PLAAT4: variants seen among roughly 807,000 people sequenced by gnomAD.
The protein encoded by PLAAT4 is phospholipase A and acyltransferase 4.
A neutral mutation model predicts 14.1 loss-of-function variants in PLAAT4; 12 were observed. The observed-to-expected ratio is 0.85, with a 90% confidence interval of 0.54 to 1.37. The LOEUF is 1.37. Among genes scored for constraint, PLAAT4 ranks in the 40% most tolerant of loss-of-function variants. The probability of loss-of-function intolerance (pLI) is 0.00; values close to 1 mark genes in which losing one functional copy is unlikely to be tolerated. For synonymous variants in PLAAT4, 77 were observed against 79.8 expected, an observed-to-expected ratio of 0.96 and a Z score of 0.19; for missense variants, 163 against 211.7, an observed-to-expected ratio of 0.77 and a Z score of 1.43.
chr11:63,544,511 T>C, intron 2 of PLAAT4, 110 bp from the exon 3 acceptor site: 1 of 1,344,206 alleles, frequency 7.4e-7, no homozygotes, highest in Non-Finnish European at 1.0e-6. Context: ...CTGTGAATCC[T>C]TCAATCACAT....
At chr11:63,537,754 G>A (rs909685274) in intron 1 of PLAAT4, among the ~76,000 whole-genome samples, 2 of 152,202 alleles carry the variant, frequency 1.3e-5, no homozygotes, top group Admixed American at 6.5e-5. Flanking sequence ...GAGGAGCTGG[G>A]AGGGAGTCCT....
chr11:63,536,938 A>G, intron 1 of PLAAT4, 61 bp downstream of exon 1: 1 of 1,589,138 alleles, frequency 6.3e-7, no homozygotes, highest in Non-Finnish European at 8.6e-7. Context: ...CCCCCTAGGA[A>G]AGGCCTCAGT....
intron 1 of PLAAT4, 46 bp from the exon 2 acceptor site, chr11:63,539,470 G>A (rs371394443): frequency 1.6e-5 from 24 of 1,517,640 alleles, no homozygotes; most frequent in Non-Finnish European, 2.2e-5. Flanking sequence ...GGTCTCTGCT[G>A]TTGCCTAGAA....
intron 1 of PLAAT4, among the ~76,000 whole-genome samples, chr11:63,539,175 A>C (rs1396255513): frequency 6.6e-6 from 1 of 152,180 alleles, no homozygotes; most frequent in Non-Finnish European, 1.5e-5. Context: ...GTGCTGGTTC[A>C]TGCAGGCTCT....
intron 2 of PLAAT4, among the ~76,000 whole-genome samples, chr11:63,542,296 A>T (rs1385580844): frequency 6.6e-6 from 1 of 152,150 alleles, no homozygotes; most frequent in African/African-American, 2.4e-5. Context: ...TAATATATTT[A>T]TATAGTTATT....
At chr11:63,546,044 G>C in intron 3 of PLAAT4, 105 bp from the exon 4 acceptor site, 3 of 893,194 alleles carry the variant, frequency 3.4e-6, no homozygotes, top group Non-Finnish European at 5.6e-6. Context: ...GGCCTTAGGG[G>C]AGGCAGGAGA....
At chr11:63,545,082 C>T in intron 3 of PLAAT4, 193 bp downstream of exon 3, 1 of 722,734 alleles carries the variant, frequency 1.4e-6, no homozygotes, top group Non-Finnish European at 2.3e-6. Context: ...TCCCTTCCCC[C>T]CAGGCCTCTC....
chr11:63,544,721 C>A lies in PLAAT4; in HGVS notation c.219C>A (p.Cys73Ter), dbSNP rs1802339. The A allele has an allele frequency of 2.5e-5, 41 of 1,614,198 alleles. No individual in the cohort carries two copies. Among genetic ancestry groups the A allele is most frequent in the Middle Eastern group, 3.3e-4 (2 of 6,062 alleles). The change falls in exon 3 of 4, where the codon TGC becomes TGA. Residue 73 changes from cysteine to a stop codon, truncating the protein, a stop_gained. Coordinates refer to ENST00000255688, the MANE Select transcript of PLAAT4 (RefSeq NM_004585.5). LOFTEE classifies it high-confidence loss of function. Reference sequence around the variant, plus strand: ...TGGAAGATGTGGTGGGAGGCTGTTGCTATCGGGTCAACAACAGCTTGGACC... The same window carrying A: ...TGGAAGATGTGGTGGGAGGCTGTTGATATCGGGTCAACAACAGCTTGGACC... The part of the protein sequence containing the change: ...ERLEDVVGGC[C>*]YRVNNSLDHE...
chr11:63,543,673 G>A (rs2017339431), intron 2 of PLAAT4, among the ~76,000 whole-genome samples: 1 of 152,174 alleles, frequency 6.6e-6, no homozygotes, highest in Non-Finnish European at 1.5e-5. Context: ...GGCAAAAGAG[G>A]TAACACACCT....
intron 3 of PLAAT4, 168 bp downstream of exon 3, chr11:63,545,057 G>T: frequency 2.1e-6 from 2 of 954,824 alleles, no homozygotes; most frequent in South Asian, 1.5e-5. Flanking sequence ...AATCCACAGA[G>T]GGTCTTTGGA....
At chr11:63,540,655 G>A (rs1223015349) in intron 2 of PLAAT4, among the ~76,000 whole-genome samples, 31 of 152,092 alleles carry the variant, frequency 2.0e-4, no homozygotes, top group Admixed American at 1.7e-3. Context: ...GTGAAACCCC[G>A]TCTCTATTAA....
intron 2 of PLAAT4, among the ~76,000 whole-genome samples, chr11:63,543,409 T>G (rs959893834): frequency 1.3e-5 from 2 of 152,256 alleles, no homozygotes; most frequent in Non-Finnish European, 2.9e-5. Flanking sequence ...CAGGTGATCC[T>G]CCCACATCAG....
rs754331566 is a variant in PLAAT4, at chr11:63,544,751, G to A, written c.249G>A (p.Glu83=). 85 of 1,614,216 alleles carry A rather than the reference G, an allele frequency of 5.3e-5. No homozygotes were observed. Among genetic ancestry groups the A allele is most frequent in the Non-Finnish European group, 6.9e-5 (82 of 1,180,042 alleles). Reference sequence around the variant, plus strand: ...GGGTCAACAACAGCTTGGACCATGAGTACCAACCACGGCCCGTGGAGGTGA... The same window carrying A: ...GGGTCAACAACAGCTTGGACCATGAATACCAACCACGGCCCGTGGAGGTGA... ...CYRVNNSLDH[E]YQPRPVEVII... The change falls in exon 3 of 4, where the codon GAG becomes GAA. Residue 83 remains glutamate, a synonymous_variant. Transcript: ENST00000255688.
At chr11:63,542,694 C>T (rs998729510) in intron 2 of PLAAT4, among the ~76,000 whole-genome samples, 7 of 152,220 alleles carry the variant, frequency 4.6e-5, no homozygotes, top group African/African-American at 1.7e-4. Flanking sequence ...CACTAATATT[C>T]AAGTGTGCTG....
At chr11:63,537,237 G>A (rs1322845062) in intron 1 of PLAAT4, among the ~76,000 whole-genome samples, 1 of 152,012 alleles carries the variant, frequency 6.6e-6, no homozygotes, top group East Asian at 1.9e-4. Context: ...AACATCGTCT[G>A]CTTCTGCTGT....
chr11:63,537,668 C>T (rs2017283535), intron 1 of PLAAT4, among the ~76,000 whole-genome samples: 1 of 152,214 alleles, frequency 6.6e-6, no homozygotes, highest in Non-Finnish European at 1.5e-5. Flanking sequence ...TGGTTTTAGA[C>T]ATTCAGCATT....
chr11:63,544,584 C>T, intron 2 of PLAAT4, 37 bp from the exon 3 acceptor site: 2 of 1,589,628 alleles, frequency 1.3e-6, no homozygotes, highest in South Asian at 1.1e-5. Flanking sequence ...CTCCCTACTT[C>T]ACCTTCCCCT....
chr11:63,541,928 C>G (rs1415662746), intron 2 of PLAAT4, among the ~76,000 whole-genome samples: 1 of 152,044 alleles, frequency 6.6e-6, no homozygotes, highest in East Asian at 1.9e-4. Context: ...TAATTTTGTT[C>G]TGGAAGTATC....
chr11:63,539,018 G>T (rs1358269155), intron 1 of PLAAT4, among the ~76,000 whole-genome samples: 2 of 152,136 alleles, frequency 1.3e-5, no homozygotes, highest in Non-Finnish European at 2.9e-5. Flanking sequence ...GTGTCCTGAG[G>T]CTGGATGGGG....
Sources: allele counts gnomAD v4.1 joint callset (sites outside exome capture counted in the v4.1 genomes callset), GRCh38; gene constraint gnomAD v4.1.1; transcripts MANE v1.5; gene names NCBI Gene and HGNC (gene_info 2026-07-23, HGNC 2026-07-21).